ROBO1: variants seen among roughly 807,000 people sequenced by gnomAD.
ROBO1 encodes the protein roundabout homolog 1.
ROBO1 carries 149 observed loss-of-function variants against 195.9 expected under a neutral mutation model. The observed-to-expected ratio is 0.76, with a 90% CI of 0.67 to 0.87. The LOEUF (loss-of-function observed/expected upper bound fraction) is 0.87, where lower values mean the gene tolerates loss of function less well. Ranked by LOEUF, ROBO1 falls within the 40% of genes least tolerant of loss-of-function variation. ROBO1 has a pLI of 0.00. For missense variants in ROBO1, 1,933 were observed against 2,068.3 expected, an observed-to-expected ratio of 0.93 and a Z score of 1.27; for synonymous variants, 816 against 733.2, an observed-to-expected ratio of 1.11 and a Z score of -1.82.
chr3:78,775,398 T>C (rs969832271), intron 4 of ROBO1, among the ~76,000 whole-genome samples: 1 of 152,188 alleles, frequency 6.6e-6, no homozygotes, highest in South Asian at 2.1e-4. Flanking sequence ...TTTTATTCTA[T>C]TAAATATATT....
intron 4 of ROBO1, among the ~76,000 whole-genome samples, chr3:78,878,010 G>A (rs909224196): frequency 6.6e-6 from 1 of 152,068 alleles, no homozygotes; most frequent in African/African-American, 2.4e-5. Context: ...GCTGGATGAC[G>A]TTTCCTATGC....
intron 2 of ROBO1, among the ~76,000 whole-genome samples, chr3:79,373,658 G>A (rs191118544): frequency 5.3e-5 from 8 of 152,246 alleles, no homozygotes; most frequent in African/African-American, 1.7e-4. Context: ...TTTGTAATAG[G>A]ATAGCCTTCA....
At chr3:79,313,005 A>G (rs1407231844) in intron 2 of ROBO1, among the ~76,000 whole-genome samples, 3 of 152,068 alleles carry the variant, frequency 2.0e-5, no homozygotes, top group African/African-American at 4.8e-5. Context: ...AAAGTATGAT[A>G]TATTCTAAAA....
intron 2 of ROBO1, among the ~76,000 whole-genome samples, chr3:79,364,388 T>A (rs1341838930): frequency 1.3e-5 from 2 of 151,892 alleles, no homozygotes; most frequent in African/African-American, 2.4e-5. Context: ...TGATTGATGA[T>A]AATTTTGATT....
intron 3 of ROBO1, among the ~76,000 whole-genome samples, chr3:79,041,837 C>A (rs1284082529): frequency 2.0e-5 from 3 of 152,206 alleles, no homozygotes; most frequent in Non-Finnish European, 4.4e-5. Flanking sequence ...GAAGCCCTAT[C>A]ATGGCCAAAT....
At chr3:79,504,499 T>C (rs997046959) in intron 2 of ROBO1, among the ~76,000 whole-genome samples, 3 of 152,174 alleles carry the variant, frequency 2.0e-5, no homozygotes, top group Admixed American at 1.3e-4. Context: ...TTGAAAGATA[T>C]ATTTTTTAAG....
At position 79,407,781 on chromosome 3, in the gene ROBO1, T is replaced by C. The variant is rs138199333; in HGVS notation, c.88+182043A>G. Among the ~76,000 whole-genome samples the C allele has an allele frequency of 3.4e-3, 521 of 152,238 alleles. 2 individuals carry two copies. The highest frequency in any genetic ancestry group is 0.012 in the African/African-American group (498 of 41,554). On this transcript the variant is annotated intron_variant, in intron 2 of 30. Coordinates refer to ENST00000464233, the MANE Select transcript of ROBO1 (RefSeq NM_002941.4). ...AATCTCTGATTTATTGTTAAATTAT[T>C]ATATACTTTAAAAATTGAGGATGAT...
intron 3 of ROBO1, among the ~76,000 whole-genome samples, chr3:78,972,367 C>T (rs895926958): frequency 3.9e-5 from 6 of 152,244 alleles, no homozygotes; most frequent in East Asian, 3.9e-4. Flanking sequence ...ATACCTTTCA[C>T]AAACATGAAA....
chr3:78,817,237 C>T (rs1368598157), intron 4 of ROBO1, among the ~76,000 whole-genome samples: 1 of 152,172 alleles, frequency 6.6e-6, no homozygotes, highest in African/African-American at 2.4e-5. Context: ...GATCAGTCAG[C>T]AGCCATCAAC....
intron 4 of ROBO1, among the ~76,000 whole-genome samples, chr3:78,836,836 T>A (rs1355949868): frequency 6.6e-6 from 1 of 152,118 alleles, no homozygotes; most frequent in Non-Finnish European, 1.5e-5. Context: ...TTTACAGTGC[T>A]CAAATCTCAT....
intron 3 of ROBO1, among the ~76,000 whole-genome samples, chr3:79,017,065 G>A (rs1176855623): frequency 6.6e-6 from 1 of 152,120 alleles, no homozygotes; most frequent in Non-Finnish European, 1.5e-5. Context: ...CCACTGTGAC[G>A]TACATGAGAT....
chr3:79,253,265 T>G (rs1288599732), intron 2 of ROBO1, among the ~76,000 whole-genome samples: 3 of 152,126 alleles, frequency 2.0e-5, no homozygotes, highest in African/African-American at 7.2e-5. Flanking sequence ...GCACTGTCAC[T>G]AACAGACTCC....
chr3:79,714,862 G>T (rs13063298), intron 1 of ROBO1, among the ~76,000 whole-genome samples: 3 of 122,564 alleles, frequency 2.4e-5, no homozygotes, highest in South Asian at 2.6e-4. Context: ...GTGGGGGGAG[G>T]GGGGAGGGAT....
intron 3 of ROBO1, among the ~76,000 whole-genome samples, chr3:78,985,593 ATTC>A (rs2108017878): frequency 6.6e-6 from 1 of 152,236 alleles, no homozygotes; most frequent in East Asian, 1.9e-4. Context: ...GGGCCACATC[ATTC>A]TTCATTACGA....
At chr3:79,313,229 T>C (rs1469668162) in intron 2 of ROBO1, among the ~76,000 whole-genome samples, 1 of 151,582 alleles carries the variant, frequency 6.6e-6, no homozygotes, top group Non-Finnish European at 1.5e-5. Context: ...AATGTAGTAG[T>C]TGAAAAAAAT....
chr3:79,507,900 C>G (rs1035425395), intron 2 of ROBO1: 4 of 154,652 alleles, frequency 2.6e-5, no homozygotes, highest in African/African-American at 9.6e-5. Context: ...AGAGTGAGCT[C>G]TAATCCAATA....
chr3:79,378,041 C>T (rs2036444577), intron 2 of ROBO1, among the ~76,000 whole-genome samples: 1 of 151,926 alleles, frequency 6.6e-6, no homozygotes, highest in Non-Finnish European at 1.5e-5. Flanking sequence ...CACCACTGTC[C>T]CTTTTTAACC....
chr3:78,917,726 T>C lies in ROBO1; in HGVS notation c.499+20875A>G, dbSNP rs150796426. ...AAACTCAGATCATGTCCCAGTAAGATAATTTCTCTGGGGACATATTGCTCA... is the reference window on the plus strand; with the variant it reads ...AAACTCAGATCATGTCCCAGTAAGACAATTTCTCTGGGGACATATTGCTCA... On this transcript the variant is annotated intron_variant, in intron 4 of 30. Transcript: ENST00000464233. Among the ~76,000 whole-genome samples, 604 of 152,332 alleles carry C rather than the reference T, an allele frequency of 4.0e-3. 14 individuals carry two copies. Among genetic ancestry groups the C allele is most frequent in the African/African-American group, 0.013 (520 of 41,584 alleles).
At chr3:79,135,366 C>A (rs2080385019) in intron 2 of ROBO1, among the ~76,000 whole-genome samples, 2 of 151,938 alleles carry the variant, frequency 1.3e-5, no homozygotes, top group South Asian at 2.1e-4. Context: ...CAATAGCAGG[C>A]AACTAAGAGT....
Sources: allele counts gnomAD v4.1 joint callset (sites outside exome capture counted in the v4.1 genomes callset), GRCh38; gene constraint gnomAD v4.1.1; transcripts MANE v1.5; gene names NCBI Gene and HGNC (gene_info 2026-07-23, HGNC 2026-07-21).